Variants in NSD3 observed in about 807,000 individuals in gnomAD.
NSD3 encodes nuclear receptor binding SET domain protein 3, also known as histone-lysine N-methyltransferase NSD3.
Under a neutral mutation model 160.8 loss-of-function variants are expected in NSD3, and 24 were observed. The observed-to-expected ratio is 0.15, with a 90% CI of 0.11 to 0.21. The LOEUF is 0.21. NSD3 is among the 10% of genes least tolerant of loss of function. NSD3 has a pLI of 1.00. For missense variants in NSD3, 1,157 were observed against 1,735.9 expected, an observed-to-expected ratio of 0.67 and a Z score of 5.93; for synonymous variants, 520 against 600.0, an observed-to-expected ratio of 0.87 and a Z score of 1.95.
rs373777039 is a variant in NSD3, at chr8:38,342,776, T to C, written c.676-4169A>G. On this transcript the variant is annotated intron_variant, in intron 2 of 23. Coordinates refer to ENST00000317025, the MANE Select transcript of NSD3 (RefSeq NM_023034.2). ...GGGTTTCACCATGTTGGCCAGGAGG[T>C]CTCGATCTCTTGACCTTGTGATCCG... Among the ~76,000 whole-genome samples, 47 of 151,734 alleles carry C rather than the reference T, an allele frequency of 3.1e-4. No individual in the cohort carries two copies. In the East Asian group the frequency reaches 3.3e-3, roughly 11 times the overall value.
At chr8:38,366,438 A>C (rs1811108876) in intron 1 of NSD3, among the ~76,000 whole-genome samples, 1 of 90,600 alleles carries the variant, frequency 1.1e-5, no homozygotes, top group African/African-American at 4.0e-5. Context: ...TTTTTTTGAG[A>C]TAGAGTCTCT....
In NSD3 at chr8:38,275,830, AACAGCTGC is replaced by A; in HGVS notation, c.4117_4124del (p.Ala1373PhefsTer4). 1 of 1,614,192 alleles carries A rather than the reference AACAGCTGC, an allele frequency of 6.2e-7. No individual in the cohort carries two copies. The highest frequency in any genetic ancestry group is 8.5e-7 in the Non-Finnish European group (1 of 1,180,038). On this transcript the variant is annotated frameshift_variant, in exon 24 of 24. Coordinates refer to ENST00000317025, the MANE Select transcript of NSD3 (RefSeq NM_023034.2). LOFTEE classifies it high-confidence loss of function. ...AATGTGGACAGAATTCACAGAAGGAAACAGCTGCACTGCTGCACTCATCGCACTGATGC... is the reference window on the plus strand; with the variant it reads ...AATGTGGACAGAATTCACAGAAGGAAACTGCTGCACTCATCGCACTGATGC...
At chr8:38,336,435 T>C (rs1810217754) in intron 4 of NSD3, among the ~76,000 whole-genome samples, 1 of 152,178 alleles carries the variant, frequency 6.6e-6, no homozygotes, top group Non-Finnish European at 1.5e-5. Context: ...CTATATTATA[T>C]AGCAACCTTC....
At chr8:38,324,553 T>C (rs111748315) in intron 7 of NSD3, among the ~76,000 whole-genome samples, 55 of 152,326 alleles carry the variant, frequency 3.6e-4, no homozygotes, top group South Asian at 2.5e-3. Flanking sequence ...CTTTGATCCA[T>C]CCAGAAAATT....
At chr8:38,286,233 C>A (rs75328631) in intron 19 of NSD3, among the ~76,000 whole-genome samples, 1 of 152,150 alleles carries the variant, frequency 6.6e-6, no homozygotes, top group African/African-American at 2.4e-5. Flanking sequence ...TGCTGGGAAT[C>A]CCATGTGGCA....
At chr8:38,375,160 T>C (rs1167634842) in intron 1 of NSD3, among the ~76,000 whole-genome samples, 1 of 152,236 alleles carries the variant, frequency 6.6e-6, no homozygotes, top group Non-Finnish European at 1.5e-5. Flanking sequence ...CTTTCCATGC[T>C]ACACATGGCT....
intron 17 of NSD3, among the ~76,000 whole-genome samples, chr8:38,290,014 A>G (rs1281708235): frequency 5.9e-5 from 9 of 152,234 alleles, no homozygotes; most frequent in African/African-American, 1.9e-4. Context: ...CCAGGAGTTC[A>G]AGACCAGCCT....
chr8:38,279,781 C>G (rs1194113282), intron 20 of NSD3, 100 bp from the exon 21 acceptor site: 1 of 1,355,666 alleles, frequency 7.4e-7, no homozygotes, highest in East Asian at 2.4e-5. Context: ...TTGCTACCAA[C>G]TGGTGTTTGA....
chr8:38,276,602 T>C (rs1275583924), intron 22 of NSD3, 102 bp from the exon 23 acceptor site: 48 of 1,265,634 alleles, frequency 3.8e-5, no homozygotes, highest in Non-Finnish European at 4.9e-5. Context: ...ATTCATCTGT[T>C]GTACAATTAC....
chr8:38,365,182 G>C (rs902302504), intron 1 of NSD3, among the ~76,000 whole-genome samples: 4 of 152,154 alleles, frequency 2.6e-5, no homozygotes, highest in African/African-American at 9.7e-5. Flanking sequence ...AAACTAACCA[G>C]CTTGAATCAC....
At chr8:38,374,650 G>A (rs544788830) in intron 1 of NSD3, among the ~76,000 whole-genome samples, 1 of 152,260 alleles carries the variant, frequency 6.6e-6, no homozygotes, top group South Asian at 2.1e-4. Context: ...TCCGTAACAT[G>A]ACAGTCTATT....
At chr8:38,289,300 C>A in intron 18 of NSD3, 93 bp downstream of exon 18, 1 of 1,184,204 alleles carries the variant, frequency 8.4e-7, no homozygotes. Flanking sequence ...TAATGCATTT[C>A]GTCTCATCTA....
chr8:38,376,917 T>C (rs183107432), intron 1 of NSD3, among the ~76,000 whole-genome samples: 7 of 152,328 alleles, frequency 4.6e-5, no homozygotes, highest in African/African-American at 1.7e-4. Context: ...CAGGACCAAC[T>C]ATTATTTACT....
intron 7 of NSD3, among the ~76,000 whole-genome samples, chr8:38,325,158 G>T (rs577264092): frequency 6.6e-6 from 1 of 152,320 alleles, no homozygotes; most frequent in African/African-American, 2.4e-5. Context: ...ACTTGCAACT[G>T]ACATCTGAAG....
chr8:38,374,691 T>C (rs2150397039), intron 1 of NSD3, among the ~76,000 whole-genome samples: 1 of 152,278 alleles, frequency 6.6e-6, no homozygotes, highest in African/African-American at 2.4e-5. Flanking sequence ...AATCTTAATT[T>C]TCCCATCTTA....
At chr8:38,294,938 T>C (rs1012848602) in intron 16 of NSD3, among the ~76,000 whole-genome samples, 2 of 151,380 alleles carry the variant, frequency 1.3e-5, no homozygotes, top group African/African-American at 4.9e-5. Flanking sequence ...GGTCAGGAGA[T>C]CGAGACCATC....
chr8:38,325,315 C>T (rs530751603), intron 7 of NSD3, among the ~76,000 whole-genome samples: 9 of 152,184 alleles, frequency 5.9e-5, no homozygotes, highest in African/African-American at 1.9e-4. Context: ...TCTATAAGTA[C>T]GTTCAGAAAA....
chr8:38,336,972 T>C (rs1810232393), intron 4 of NSD3, among the ~76,000 whole-genome samples: 1 of 152,060 alleles, frequency 6.6e-6, no homozygotes, highest in Non-Finnish European at 1.5e-5. Context: ...TGAAACCTCA[T>C]CTGTATTAAA....
chr8:38,287,574 C>CT (rs1343705392), intron 19 of NSD3, among the ~76,000 whole-genome samples: 1 of 151,942 alleles, frequency 6.6e-6, no homozygotes, highest in African/African-American at 2.4e-5. Context: ...ACTCTGCTAT[C>CT]TTTTTTGTAT....
Sources: gnomAD v4.1 joint callset for allele counts (sites outside exome capture counted in the v4.1 genomes callset) on GRCh38, gnomAD v4.1.1 for gene constraint, MANE v1.5 for transcripts, NCBI Gene and HGNC (gene_info 2026-07-23, HGNC 2026-07-21) for gene names.